CFAP299: variants seen among roughly 807,000 people sequenced by gnomAD.
The protein encoded by CFAP299 is cilia- and flagella-associated protein 299.
A neutral mutation model predicts 27.0 loss-of-function variants in CFAP299; 21 were observed. The observed-to-expected ratio is 0.78, with a 90% CI of 0.55 to 1.12. CFAP299 has a LOEUF of 1.12. CFAP299 is among the 50% of genes most tolerant of loss of function. The pLI, the probability that CFAP299 is intolerant of heterozygous loss-of-function variation, is 0.00. For missense variants in CFAP299, 310 were observed against 276.6 expected, an observed-to-expected ratio of 1.12 and a Z score of -0.86; for synonymous variants, 104 against 98.1, an observed-to-expected ratio of 1.06 and a Z score of -0.36.
intron 3 of CFAP299, among the ~76,000 whole-genome samples, chr4:80,785,154 T>A (rs1578122099): frequency 2.0e-5 from 3 of 150,346 alleles, no homozygotes; most frequent in African/African-American, 7.4e-5. Context: ...TTTTTTTTTT[T>A]AGGAGTTTTA....
rs145339563 is a variant in CFAP299, at chr4:80,554,909, T to C, written c.243-28184T>C. Among the ~76,000 whole-genome samples, 64 of 152,230 alleles carry C rather than the reference T, an allele frequency of 4.2e-4. No individual in the cohort carries two copies. The East Asian group carries it at 0.012, about 28-fold the overall frequency. Reference sequence around the variant, plus strand: ...TGAAGGAACTTTTGGGCCAAGACAATGGGGTTTTCTAGATATAGAATCATG... The same window carrying C: ...TGAAGGAACTTTTGGGCCAAGACAACGGGGTTTTCTAGATATAGAATCATG... On this transcript the variant is annotated intron_variant, in intron 2 of 5. Coordinates refer to ENST00000358105, the MANE Select transcript of CFAP299 (RefSeq NM_152770.3).
At chr4:80,324,824 G>A in the CFAP299 span, among the ~76,000 whole-genome samples, 2 of 152,096 alleles carry the variant, frequency 1.3e-5, no homozygotes, top group Non-Finnish European at 2.9e-5. Flanking sequence ...GGAGGGCGAG[G>A]TAAAAAAAGA....
At chr4:80,871,152 C>T (rs1348835156) in intron 4 of CFAP299, 20 of 902,974 alleles carry the variant, frequency 2.2e-5, no homozygotes, top group African/African-American at 3.6e-5. Flanking sequence ...GGTGATCCAC[C>T]GGCCTCAGCC....
chr4:80,652,283 C>T (rs1740341294), intron 3 of CFAP299, among the ~76,000 whole-genome samples: 1 of 152,006 alleles, frequency 6.6e-6, no homozygotes. Context: ...GGTAAAATTT[C>T]ACCAAGTTAA....
At chr4:80,684,956 A>C (rs767746931) in intron 3 of CFAP299, among the ~76,000 whole-genome samples, 8 of 152,222 alleles carry the variant, frequency 5.3e-5, no homozygotes, top group Non-Finnish European at 8.8e-5. Flanking sequence ...TTAGAAAGGA[A>C]AAATAGTAAA....
At chr4:80,933,264 A>G (rs1736720081) in intron 4 of CFAP299, among the ~76,000 whole-genome samples, 1 of 151,876 alleles carries the variant, frequency 6.6e-6, no homozygotes, top group Admixed American at 6.6e-5. Context: ...TAGATCACCA[A>G]TCACGTATTC....
intron 2 of CFAP299, among the ~76,000 whole-genome samples, chr4:80,517,738 A>C (rs1256452408): frequency 6.6e-6 from 1 of 152,146 alleles, no homozygotes; most frequent in East Asian, 1.9e-4. Context: ...CACACTACTT[A>C]TTTCTCTACC....
chr4:80,921,412 G>A (rs961043986), intron 4 of CFAP299, among the ~76,000 whole-genome samples: 4 of 151,996 alleles, frequency 2.6e-5, no homozygotes, highest in Admixed American at 6.6e-5. Flanking sequence ...TGCTGAGAGA[G>A]CTAATTTTTA....
At chr4:80,691,621 T>G (rs1187282209) in intron 3 of CFAP299, among the ~76,000 whole-genome samples, 1 of 150,874 alleles carries the variant, frequency 6.6e-6, no homozygotes, top group Non-Finnish European at 1.5e-5. Context: ...GCATTCCCTT[T>G]GAAAACTGGC....
At chr4:80,690,290 G>T (rs1008902153) in intron 3 of CFAP299, among the ~76,000 whole-genome samples, 3 of 150,446 alleles carry the variant, frequency 2.0e-5, no homozygotes, top group Non-Finnish European at 4.5e-5. Flanking sequence ...CACATACTTG[G>T]AAGTAAAGCT....
At chr4:80,464,510 A>G (rs2110109659) in intron 2 of CFAP299, among the ~76,000 whole-genome samples, 1 of 152,316 alleles carries the variant, frequency 6.6e-6, no homozygotes, top group African/African-American at 2.4e-5. Context: ...GGAGTATCTC[A>G]TCCAGGATTC....
chr4:80,378,261 A>G (rs1408062011), intron 2 of CFAP299, among the ~76,000 whole-genome samples: 1 of 152,092 alleles, frequency 6.6e-6, no homozygotes, highest in African/African-American at 2.4e-5. Flanking sequence ...AATAAAATTG[A>G]TTTTTCTCTG....
chr4:80,646,027 T>C (rs1241755558), intron 3 of CFAP299, among the ~76,000 whole-genome samples: 1 of 152,200 alleles, frequency 6.6e-6, no homozygotes, highest in African/African-American at 2.4e-5. Context: ...CACTGTTAGT[T>C]CTTAAGACTT....
At chr4:80,603,087 A>T (rs1737447924) in intron 3 of CFAP299, among the ~76,000 whole-genome samples, 1 of 152,168 alleles carries the variant, frequency 6.6e-6, no homozygotes, top group African/African-American at 2.4e-5. Context: ...CATGACACCA[A>T]ACCCCAAATG....
intron 3 of CFAP299, among the ~76,000 whole-genome samples, chr4:80,685,601 T>C (rs1002705516): frequency 1.7e-5 from 2 of 119,468 alleles, no homozygotes; most frequent in Non-Finnish European, 3.2e-5. Context: ...AATATGTTAC[T>C]CCACAGTGGA....
chr4:80,901,879 A>T (rs1026200902), intron 4 of CFAP299, among the ~76,000 whole-genome samples: 1 of 152,114 alleles, frequency 6.6e-6, no homozygotes, highest in Admixed American at 6.6e-5. Context: ...CTTCTCAAGG[A>T]TTACCAGCTG....
At chr4:80,363,336 T>C (rs912553819) in intron 2 of CFAP299, among the ~76,000 whole-genome samples, 3 of 152,208 alleles carry the variant, frequency 2.0e-5, no homozygotes, top group African/African-American at 7.2e-5. Context: ...TGTTAGTATA[T>C]AATATGTGGT....
intron 2 of CFAP299, among the ~76,000 whole-genome samples, chr4:80,540,652 C>T (rs1276440800): frequency 2.0e-5 from 3 of 152,074 alleles, no homozygotes; most frequent in Non-Finnish European, 4.4e-5. Flanking sequence ...TCAGGATATC[C>T]AGCGTGTTTC....
chr4:80,464,502 A>G (rs1318226962), intron 2 of CFAP299, among the ~76,000 whole-genome samples: 2 of 152,212 alleles, frequency 1.3e-5, no homozygotes, highest in Non-Finnish European at 2.9e-5. Flanking sequence ...TTACAGATGG[A>G]GTATCTCATC....
Sources: gnomAD v4.1 joint callset for allele counts (sites outside exome capture counted in the v4.1 genomes callset) on GRCh38, gnomAD v4.1.1 for gene constraint, MANE v1.5 for transcripts, NCBI Gene and HGNC (gene_info 2026-07-23, HGNC 2026-07-21) for gene names.